The following DRC2 variants were observed in gnomAD, a reference collection of about 807,000 sequenced individuals.
DRC2 encodes the protein coiled-coil domain containing 65.
chr12:48,914,517 G>A, the DRC2 span: 3 of 1,614,162 alleles, frequency 1.9e-6, no homozygotes, highest in Non-Finnish European at 1.7e-6. Context: ...TCAGTCTCCT[G>A]GAGGAAAGTT....
the DRC2 span, among the ~76,000 whole-genome samples, chr12:48,912,457 A>AAAAAAAAAAAAAAAAAAAAAAAAT: frequency 6.7e-6 from 1 of 150,266 alleles, no homozygotes; most frequent in African/African-American, 2.4e-5. Flanking sequence ...AAAAAAAAAA[A>AAAAAAAAAAAAAAAAAAAAAAAAT]AAATTCATGT....
the DRC2 span, among the ~76,000 whole-genome samples, chr12:48,915,111 TTTC>T: frequency 2.3e-3 from 116 of 50,172 alleles, no homozygotes; most frequent in Non-Finnish European, 4.7e-3. Context: ...ACCCACTTTC[TTTC>T]TTTTTTTTTT....
chr12:48,911,913 A>C, the DRC2 span, among the ~76,000 whole-genome samples: 2 of 151,902 alleles, frequency 1.3e-5, no homozygotes, highest in African/African-American at 4.8e-5. Flanking sequence ...TTTATTTACC[A>C]GTTTTAAAAA....
the DRC2 span, chr12:48,921,415 C>T: frequency 6.2e-7 from 1 of 1,611,668 alleles, no homozygotes; most frequent in African/African-American, 1.3e-5. Flanking sequence ...ATAGCCCATC[C>T]AGGTGATAAA....
At chr12:48,914,255 C>A in the DRC2 span, 1 of 764,566 alleles carries the variant, frequency 1.3e-6, no homozygotes, top group Non-Finnish European at 2.0e-6. Flanking sequence ...ATCACTCTTG[C>A]TTTACACAAG....
At chr12:48,918,719 T>C in the DRC2 span, 6 of 1,614,004 alleles carry the variant, frequency 3.7e-6, no homozygotes, top group Non-Finnish European at 5.1e-6. Flanking sequence ...AAGATCATGA[T>C]ACACAGCCGT....
chr12:48,912,437 CAAAAAAAAAAAA>C, the DRC2 span, among the ~76,000 whole-genome samples: 4 of 45,356 alleles, frequency 8.8e-5, no homozygotes, highest in African/African-American at 3.9e-4. Flanking sequence ...GACGCCGTCT[CAAAAAAAAAAAA>C]AAAAAAAAAA....
chr12:48,915,527 G>A, the DRC2 span, among the ~76,000 whole-genome samples: 16 of 146,344 alleles, frequency 1.1e-4, no homozygotes, highest in South Asian at 2.2e-4. Flanking sequence ...ACACAGACAC[G>A]GCAACCATCC....
the DRC2 span, chr12:48,918,917 G>A: frequency 5.6e-6 from 9 of 1,599,824 alleles, no homozygotes; most frequent in Non-Finnish European, 6.9e-6. Flanking sequence ...ACACAGGGGA[G>A]AGGACTATCA....
the DRC2 span, among the ~76,000 whole-genome samples, chr12:48,908,533 C>T: frequency 4.0e-5 from 6 of 151,278 alleles, no homozygotes; most frequent in Non-Finnish European, 1.5e-5. Context: ...CCACCCTTCA[C>T]ATTGAACTGC....
the DRC2 span, chr12:48,905,207 C>A: frequency 8.7e-7 from 1 of 1,143,032 alleles, no homozygotes; most frequent in Non-Finnish European, 1.2e-6. Context: ...TCACAAGACA[C>A]AGGCTGTGAG....
chr12:48,920,962 T>C, the DRC2 span: 9 of 1,613,480 alleles, frequency 5.6e-6, no homozygotes, highest in Non-Finnish European at 7.6e-6. Context: ...CTGAAATATG[T>C]AGGAAATTTG....
the DRC2 span, among the ~76,000 whole-genome samples, chr12:48,915,655 G>A: frequency 2.0e-5 from 3 of 151,918 alleles, no homozygotes; most frequent in African/African-American, 4.8e-5. Context: ...TGGTGGCCGG[G>A]CAGAGGGGCT....
chr12:48,920,930 G>T, the DRC2 span: 1 of 1,608,980 alleles, frequency 6.2e-7, no homozygotes, highest in Non-Finnish European at 8.5e-7. Context: ...CTTCAAATAG[G>T]GTGAAAAGAT....
chr12:48,919,495 G>C, the DRC2 span, among the ~76,000 whole-genome samples: 1 of 151,402 alleles, frequency 6.6e-6, no homozygotes, highest in Non-Finnish European at 1.5e-5. Flanking sequence ...ACTGCGTTGA[G>C]CTCCCCCTTA....
the DRC2 span, among the ~76,000 whole-genome samples, chr12:48,914,011 C>T: frequency 6.8e-5 from 10 of 146,252 alleles, no homozygotes; most frequent in African/African-American, 2.5e-4. Context: ...CTCACTGCAA[C>T]TTTGAACTCC....
the DRC2 span, chr12:48,921,422 T>C: frequency 1.2e-6 from 2 of 1,609,898 alleles, no homozygotes; most frequent in South Asian, 1.1e-5. Flanking sequence ...ATCCAGGTGA[T>C]AAACAACATC....
the DRC2 span, chr12:48,918,473 G>T: frequency 1.1e-5 from 18 of 1,613,642 alleles, no homozygotes; most frequent in South Asian, 2.0e-4. Context: ...GAAACTACAG[G>T]TTAGTGTAGC....
chr12:48,910,613 A>C, the DRC2 span, among the ~76,000 whole-genome samples: 1 of 152,236 alleles, frequency 6.6e-6, no homozygotes, highest in African/African-American at 2.4e-5. Context: ...TATATAGAGA[A>C]AAGTTCCTCC....
Sources: allele counts gnomAD v4.1 joint callset (sites outside exome capture counted in the v4.1 genomes callset), GRCh38; gene constraint gnomAD v4.1.1; transcripts MANE v1.5; gene names NCBI Gene and HGNC (gene_info 2026-07-23, HGNC 2026-07-21).